The following SARDH variants were observed in gnomAD, a reference collection of about 807,000 sequenced individuals.
SARDH encodes sarcosine dehydrogenase, mitochondrial.
In SARDH, 95 loss-of-function variants were observed where a neutral mutation model predicts 109.1. The ratio of observed to expected loss-of-function variants is 0.87; its 90% CI spans 0.74 to 1.03. The LOEUF (loss-of-function observed/expected upper bound fraction) is 1.03, where lower values mean the gene tolerates loss of function less well. Ranked by LOEUF, SARDH falls within the 50% of genes least tolerant of loss-of-function variation. SARDH has a pLI of 0.00. For synonymous variants in SARDH, 572 were observed against 534.8 expected, an observed-to-expected ratio of 1.07 and a Z score of -0.96; for missense variants, 1,267 against 1,287.8, an observed-to-expected ratio of 0.98 and a Z score of 0.25.
At chr9:133,731,173 A>G (rs1832666688) in intron 4 of SARDH, 132 bp downstream of exon 4, 3 of 1,146,246 alleles carry the variant, frequency 2.6e-6, no homozygotes, top group Non-Finnish European at 3.7e-6. Context: ...AGGCTCAGAG[A>G]GGTCCTCACT....
intron 20 of SARDH, among the ~76,000 whole-genome samples, chr9:133,665,369 G>A (rs1830027378): frequency 6.6e-6 from 1 of 152,186 alleles, no homozygotes; most frequent in Non-Finnish European, 1.5e-5. Flanking sequence ...GGGCCCCAGG[G>A]CTGTGGCCCC....
At chr9:133,735,614 A>T (rs1482987635) in intron 1 of SARDH, among the ~76,000 whole-genome samples, 1 of 152,192 alleles carries the variant, frequency 6.6e-6, no homozygotes, top group African/African-American at 2.4e-5. Flanking sequence ...GTGTTAACTG[A>T]GCTCGTTCAA....
chr9:133,715,664 C>A (rs1213728565), intron 8 of SARDH, among the ~76,000 whole-genome samples: 2 of 152,186 alleles, frequency 1.3e-5, no homozygotes, highest in Non-Finnish European at 2.9e-5. Context: ...GTCTTTAGGG[C>A]CCTCATCCGC....
intron 19 of SARDH, among the ~76,000 whole-genome samples, chr9:133,668,463 C>T (rs1259251946): frequency 3.1e-5 from 1 of 32,718 alleles, no homozygotes. Context: ...CTCCCTCGCC[C>T]TCCCTCTCCC....
intron 13 of SARDH, among the ~76,000 whole-genome samples, chr9:133,701,576 A>G (rs1401573502): frequency 1.3e-5 from 2 of 152,214 alleles, no homozygotes; most frequent in African/African-American, 2.4e-5. Flanking sequence ...CCAAGTTGGC[A>G]TCTCCCCCGA....
chr9:133,679,537 A>T (rs1053792153), intron 17 of SARDH, among the ~76,000 whole-genome samples: 4 of 152,188 alleles, frequency 2.6e-5, no homozygotes, highest in African/African-American at 9.7e-5. Flanking sequence ...CGTCCTCGGC[A>T]GGGGCCCTGG....
At position 133,693,966 on chromosome 9, in the gene SARDH, G is replaced by A. The variant is rs867696377; in HGVS notation, c.1921+292C>T. ...GCCTAGCATTGGTACGCTTTGTTCC[G>A]GGAAACCGAGCCGAGCACGCCCACA... On this transcript the variant is annotated intron_variant, in intron 15 of 20. Coordinates refer to ENST00000439388, the MANE Select transcript of SARDH (RefSeq NM_001134707.2). This position sits in a 1 kb window ranked among gnomAD's most constrained non-coding sequence, Gnocchi z 5.6. Among the ~76,000 whole-genome samples, 6 of 152,208 alleles carry A rather than the reference G, an allele frequency of 3.9e-5. No homozygotes were observed. Among genetic ancestry groups the A allele is most frequent in the Middle Eastern group, 3.2e-3 (1 of 316 alleles).
chr9:133,682,512 C>T (rs1440757873), intron 17 of SARDH, among the ~76,000 whole-genome samples: 3 of 152,226 alleles, frequency 2.0e-5, no homozygotes, highest in African/African-American at 7.2e-5. Flanking sequence ...CATGTCCCAG[C>T]CAGATGAGCT....
At chr9:133,721,449 A>G (rs1175446744) in intron 6 of SARDH, among the ~76,000 whole-genome samples, 1 of 152,272 alleles carries the variant, frequency 6.6e-6, no homozygotes, top group Non-Finnish European at 1.5e-5. Context: ...ACTCCTTTGC[A>G]GTAAACAGCC....
Position 133,733,913 on chromosome 9 carries a change from C to T in SARDH, c.261G>A (p.Lys87=), listed in dbSNP as rs2131514515. 1 of 1,559,276 alleles carries T rather than the reference C, an allele frequency of 6.4e-7. No individual in the cohort carries two copies. Among genetic ancestry groups the T allele is most frequent in the Non-Finnish European group, 8.7e-7 (1 of 1,151,944 alleles). ...GCAGCACCGCCCCACTCATGCCCAG[C>T]TTGGCCAGGTGGTACAGGGTCTGGC... The part of the protein sequence containing the change: ...LGCQTLYHLA[K]LGMSGAVLLE... The change falls in exon 2 of 21, where the codon AAG becomes AAA. Residue 87 remains lysine (K), a synonymous_variant. Transcript: ENST00000439388.
Position 133,663,971 on chromosome 9 carries a change from C to T in SARDH, c.2675G>A (p.Arg892Lys), listed in dbSNP as rs578085818. The change falls in exon 21 of 21, where the codon AGA (arginine) becomes AAA (lysine). Residue 892 changes from arginine to lysine, a missense_variant. Coordinates refer to ENST00000439388, the MANE Select transcript of SARDH (RefSeq NM_001134707.2). ...FVKSGDYALERMGVTYGAQAH... is the reference protein window; with the variant it reads ...FVKSGDYALEKMGVTYGAQAH... ...CTGGGCACCATAGGTCACCCCCATT[C>T]TCTCCAGGGCATAGTCCCCGCTCTT... 48 of 1,614,208 alleles carry T rather than the reference C, an allele frequency of 3.0e-5. No homozygotes were observed. In the South Asian group the frequency reaches 5.1e-4, roughly 17 times the overall value.
At chr9:133,720,003 C>T (rs565342564) in intron 6 of SARDH, among the ~76,000 whole-genome samples, 8 of 152,036 alleles carry the variant, frequency 5.3e-5, no homozygotes, top group Non-Finnish European at 8.8e-5. Flanking sequence ...CCCAGCTATT[C>T]GGGAGGCTGA....
At chr9:133,685,161 C>T (rs921049381) in intron 17 of SARDH, 32 bp downstream of exon 17, 29 of 1,598,454 alleles carry the variant, frequency 1.8e-5, no homozygotes, top group East Asian at 2.2e-5. Context: ...CTGCCACCCA[C>T]GACCCAGAGG....
intron 4 of SARDH, among the ~76,000 whole-genome samples, chr9:133,730,584 T>C (rs1832646707): frequency 6.6e-6 from 1 of 151,732 alleles, no homozygotes; most frequent in Non-Finnish European, 1.5e-5. Context: ...CATACATATA[T>C]ATTTTCATAG....
chr9:133,724,924 C>G (rs772231436), intron 6 of SARDH, among the ~76,000 whole-genome samples: 5 of 152,012 alleles, frequency 3.3e-5, no homozygotes, highest in Non-Finnish European at 7.4e-5. Flanking sequence ...CAACATAGGT[C>G]CCCACAAAAA....
At position 133,663,643 on chromosome 9, in the gene SARDH, G is replaced by T; in HGVS notation, c.*246C>A. On this transcript the variant is annotated 3_prime_UTR_variant, in exon 21 of 21. Coordinates refer to ENST00000439388, the MANE Select transcript of SARDH (RefSeq NM_001134707.2). ...TACAAGCCATGGTCCCTGAGCCCAA[G>T]ACACTTACAGGTTTGCTTTCTGGGA... 1 of 539,640 alleles carries T rather than the reference G, an allele frequency of 1.9e-6. No homozygotes were observed. Among genetic ancestry groups the T allele is most frequent in the Non-Finnish European group, 3.3e-6 (1 of 304,200 alleles). The allele number at this position is 539,640 out of a possible 1,614,324, so 33.4% of individuals were successfully genotyped here. A position where few individuals can be genotyped will look rare whatever the true frequency, so the allele number is the denominator to read the frequency against.
chr9:133,690,940 G>GGA (rs1831069468), intron 15 of SARDH, among the ~76,000 whole-genome samples: 4 of 152,060 alleles, frequency 2.6e-5, no homozygotes, highest in Non-Finnish European at 4.4e-5. Context: ...ACAACATCTG[G>GGA]CCCCACAGGG....
intron 19 of SARDH, chr9:133,667,183 G>A: frequency 2.4e-6 from 1 of 415,454 alleles, no homozygotes; most frequent in Admixed American, 4.1e-5. Flanking sequence ...TTCCATTGTT[G>A]TTCAACTCTG....
chr9:133,665,572 CA>C (rs1830033961), intron 20 of SARDH, among the ~76,000 whole-genome samples: 1 of 152,210 alleles, frequency 6.6e-6, no homozygotes, highest in Non-Finnish European at 1.5e-5. Context: ...GGTCACAAAG[CA>C]AGTAAAAGGC....
Sources: gnomAD v4.1 joint callset for allele counts (sites outside exome capture counted in the v4.1 genomes callset) on GRCh38, gnomAD v4.1.1 for gene constraint, Gnocchi (gnomAD v3.1) non-coding constraint, MANE v1.5 for transcripts, NCBI Gene and HGNC (gene_info 2026-07-23, HGNC 2026-07-21) for gene names.